MAF: variants seen among roughly 807,000 people sequenced by gnomAD.
MAF encodes the protein MAF bZIP transcription factor.
Under a neutral mutation model 22.0 loss-of-function variants are expected in MAF, and 10 were observed. The observed-to-expected ratio is 0.45, with a 90% CI of 0.28 to 0.77. The LOEUF is 0.77. Ranked by LOEUF, MAF falls within the 30% of genes least tolerant of loss-of-function variation. The pLI is 0.12. For synonymous variants in MAF, 337 were observed against 255.8 expected (o/e 1.32, Z -3.03); for missense variants, 544 against 548.4 (o/e 0.99, Z 0.08).
chr16:79,489,427 T>C, the MAF span, among the ~76,000 whole-genome samples: 1 of 152,222 alleles, frequency 6.6e-6, no homozygotes, highest in Admixed American at 6.5e-5. Flanking sequence ...GAGTTGGGGA[T>C]ATAAAGCTGA....
the MAF span, among the ~76,000 whole-genome samples, chr16:79,364,680 C>A: frequency 1.6e-3 from 251 of 152,254 alleles, no homozygotes; most frequent in Non-Finnish European, 3.1e-3. Flanking sequence ...TGTATATGTG[C>A]CATTCTGAGA....
chr16:79,347,971 G>A, the MAF span, among the ~76,000 whole-genome samples: 4 of 152,138 alleles, frequency 2.6e-5, no homozygotes, highest in South Asian at 2.1e-4. Context: ...TTTAAATTAG[G>A]GAGTGAAGGA....
chr16:79,264,417 T>A, the MAF span: 1 of 152,224 alleles, frequency 6.6e-6, no homozygotes, highest in Non-Finnish European at 1.5e-5. Context: ...TTAGGTTAAA[T>A]AACTTGCTCA....
the MAF span, among the ~76,000 whole-genome samples, chr16:79,252,050 T>C: frequency 5.3e-5 from 8 of 152,266 alleles, no homozygotes. Context: ...CACTGGTCTA[T>C]GCCGTCCCGG....
At chr16:79,475,406 G>A in the MAF span, among the ~76,000 whole-genome samples, 2 of 150,560 alleles carry the variant, frequency 1.3e-5, no homozygotes, top group African/African-American at 4.9e-5. Flanking sequence ...AGTAGATTTG[G>A]GAGGCAAATC....
the MAF span, among the ~76,000 whole-genome samples, chr16:79,550,348 GAGAC>G: frequency 0.081 from 12,321 of 151,812 alleles, 571 homozygotes; most frequent in Middle Eastern, 0.13. Context: ...GAGAGAGAGA[GAGAC>G]AGACAGACAG....
the MAF span, among the ~76,000 whole-genome samples, chr16:79,243,119 C>A: frequency 3.9e-4 from 59 of 151,794 alleles, no homozygotes; most frequent in Admixed American, 1.1e-3. Context: ...AAATCGACAC[C>A]CTAACATCAC....
the MAF span, among the ~76,000 whole-genome samples, chr16:79,346,904 G>A: frequency 1.8e-4 from 28 of 152,312 alleles, no homozygotes; most frequent in African/African-American, 6.5e-4. Flanking sequence ...TTAACCTGCA[G>A]TCAAAATAAT....
the MAF span, among the ~76,000 whole-genome samples, chr16:79,544,889 A>C: frequency 1.3e-5 from 2 of 152,166 alleles, no homozygotes; most frequent in Non-Finnish European, 2.9e-5. Flanking sequence ...AAATCACAGA[A>C]AGAGGTGCTA....
chr16:79,353,557 G>A, the MAF span, among the ~76,000 whole-genome samples: 1 of 152,154 alleles, frequency 6.6e-6, no homozygotes, highest in African/African-American at 2.4e-5. Flanking sequence ...AGAGTCGCCG[G>A]TAGGGAGGAG....
At chr16:79,381,337 G>C in the MAF span, among the ~76,000 whole-genome samples, 1 of 152,190 alleles carries the variant, frequency 6.6e-6, no homozygotes, top group Non-Finnish European at 1.5e-5. Flanking sequence ...AGAGTCAGAC[G>C]GTCAGTCTGG....
chr16:79,565,563 G>T, the MAF span, among the ~76,000 whole-genome samples: 1 of 152,046 alleles, frequency 6.6e-6, no homozygotes, highest in African/African-American at 2.4e-5. Flanking sequence ...CCTCCATGCT[G>T]TTCTTGTGAT....
At chr16:79,240,487 GAAAAAAA>G in the MAF span, among the ~76,000 whole-genome samples, 4,854 of 60,552 alleles carry the variant, frequency 0.08, 220 homozygotes, top group Non-Finnish European at 0.18. Flanking sequence ...AGCATCTCTG[GAAAAAAA>G]AAAAAAAAAA....
the MAF span, among the ~76,000 whole-genome samples, chr16:79,461,152 C>A: frequency 2.0e-5 from 3 of 152,176 alleles, no homozygotes; most frequent in Non-Finnish European, 4.4e-5. Context: ...TTTTGTTTAT[C>A]TGTGTTGAAT....
At chr16:79,239,268 T>C in the MAF span, among the ~76,000 whole-genome samples, 1 of 152,104 alleles carries the variant, frequency 6.6e-6, no homozygotes, top group Admixed American at 6.6e-5. Flanking sequence ...TGCGCAGTGA[T>C]TGACACATGT....
chr16:79,321,960 G>A, the MAF span, among the ~76,000 whole-genome samples: 12,079 of 152,146 alleles, frequency 0.079, 592 homozygotes, highest in Non-Finnish European at 0.12. Context: ...GACCTGGCAC[G>A]GTGGCTCACA....
chr16:79,574,234 G>T, the MAF span, among the ~76,000 whole-genome samples: 7 of 152,180 alleles, frequency 4.6e-5, no homozygotes, highest in African/African-American at 1.7e-4. Context: ...CTGACAGTGT[G>T]CGATCAAGTA....
chr16:79,291,556 T>C, the MAF span, among the ~76,000 whole-genome samples: 1 of 151,584 alleles, frequency 6.6e-6, no homozygotes, highest in Non-Finnish European at 1.5e-5. Context: ...GTTGCTCATA[T>C]TAAGTTTCCT....
the MAF span, among the ~76,000 whole-genome samples, chr16:79,314,599 C>A: frequency 3.3e-5 from 5 of 152,152 alleles, no homozygotes; most frequent in Non-Finnish European, 7.4e-5. Flanking sequence ...CAAGTGAGCA[C>A]CAGTTTGGCA....
Sources: gnomAD v4.1 joint callset for allele counts (sites outside exome capture counted in the v4.1 genomes callset) on GRCh38, gnomAD v4.1.1 for gene constraint, MANE v1.5 for transcripts, NCBI Gene and HGNC (gene_info 2026-07-23, HGNC 2026-07-21) for gene names.